SNX25: variants seen among roughly 807,000 people sequenced by gnomAD.
SNX25 encodes sorting nexin 25, also known as sorting nexin-25.
A neutral mutation model predicts 113.7 loss-of-function variants in SNX25; 62 were observed. The ratio of observed to expected loss-of-function variants is 0.55; its 90% CI spans 0.44 to 0.67. The LOEUF (loss-of-function observed/expected upper bound fraction) is 0.67, where lower values mean the gene tolerates loss of function less well. SNX25 is among the 30% of genes least tolerant of loss of function. SNX25 has a pLI of 0.00. For synonymous variants in SNX25, 421 were observed against 436.2 expected, an observed-to-expected ratio of 0.97 and a Z score of 0.43; for missense variants, 1,014 against 1,161.0, an observed-to-expected ratio of 0.87 and a Z score of 1.84.
chr4:185,340,332 G>GAT (rs2095253533), intron 11 of SNX25, among the ~76,000 whole-genome samples: 1 of 152,106 alleles, frequency 6.6e-6, no homozygotes, highest in South Asian at 2.1e-4. Flanking sequence ...CTCTAGGTTG[G>GAT]ATAGCAAAAC....
chr4:185,289,470 C>A (rs1021234168), intron 6 of SNX25, among the ~76,000 whole-genome samples: 1 of 152,074 alleles, frequency 6.6e-6, no homozygotes, highest in Non-Finnish European at 1.5e-5. Context: ...AGGGCAGGTG[C>A]CAAATCCTGA....
chr4:185,347,493 G>A (rs1387768869), intron 13 of SNX25, among the ~76,000 whole-genome samples: 3 of 151,646 alleles, frequency 2.0e-5, no homozygotes, highest in Non-Finnish European at 1.5e-5. Flanking sequence ...GTTTTGAGAC[G>A]GAGTTTCGCT....
intron 1 of SNX25, among the ~76,000 whole-genome samples, chr4:185,239,374 T>A (rs973552556): frequency 6.6e-6 from 1 of 152,010 alleles, no homozygotes; most frequent in Admixed American, 6.6e-5. Context: ...TCCCAGCTAC[T>A]CGGGAGGCTG....
intron 6 of SNX25, among the ~76,000 whole-genome samples, chr4:185,289,202 C>A (rs1288537): frequency 2.0e-5 from 3 of 152,032 alleles, no homozygotes; most frequent in African/African-American, 7.3e-5. Flanking sequence ...GATAATGATA[C>A]AGTAGTAAAC....
At chr4:185,259,730 A>C (rs867005769) in intron 3 of SNX25, among the ~76,000 whole-genome samples, 1 of 152,204 alleles carries the variant, frequency 6.6e-6, no homozygotes, top group African/African-American at 2.4e-5. Flanking sequence ...TCTAACTGCA[A>C]TGAGTAGCCT....
chr4:185,218,275 G>C (rs1739209414), intron 1 of SNX25, among the ~76,000 whole-genome samples: 1 of 152,238 alleles, frequency 6.6e-6, no homozygotes, highest in Admixed American at 6.5e-5. Context: ...AGTAGAGACG[G>C]GGTTTTGCCA....
At chr4:185,331,780 CA>C (rs966887038) in intron 9 of SNX25, among the ~76,000 whole-genome samples, 11 of 152,030 alleles carry the variant, frequency 7.2e-5, no homozygotes, top group African/African-American at 2.7e-4. Flanking sequence ...GACTCTGTCT[CA>C]AAAAAACAAA....
At chr4:185,378,635 C>G in the SNX25 span, 1 of 988,432 alleles carries the variant, frequency 1.0e-6, no homozygotes, top group Non-Finnish European at 1.2e-6. Flanking sequence ...AAGCACTTGT[C>G]TATTTTACCT....
chr4:185,243,898 T>C (rs1407611755), intron 1 of SNX25, among the ~76,000 whole-genome samples: 1 of 152,138 alleles, frequency 6.6e-6, no homozygotes, highest in Non-Finnish European at 1.5e-5. Flanking sequence ...TAGACACATA[T>C]CCAAAGAATA....
intron 15 of SNX25, among the ~76,000 whole-genome samples, chr4:185,356,333 C>T (rs1229240686): frequency 6.6e-6 from 1 of 152,128 alleles, no homozygotes; most frequent in Non-Finnish European, 1.5e-5. Flanking sequence ...GGTCGTCAGG[C>T]ACTCTTCCTA....
At chr4:185,372,495 A>T (rs1436707251), downstream of SNX25, among the ~76,000 whole-genome samples, 1 of 152,252 alleles carries the variant, frequency 6.6e-6, no homozygotes, top group East Asian at 1.9e-4. Flanking sequence ...GGCATAGAAC[A>T]TGTAGTAGGC....
At chr4:185,277,516 C>A (rs1176894791) in intron 5 of SNX25, among the ~76,000 whole-genome samples, 1 of 152,066 alleles carries the variant, frequency 6.6e-6, no homozygotes, top group Non-Finnish European at 1.5e-5. Context: ...GGTGTTAATA[C>A]TCCCGCCATG....
chr4:185,302,359 G>A (rs1753822594), intron 6 of SNX25, among the ~76,000 whole-genome samples: 1 of 152,148 alleles, frequency 6.6e-6, no homozygotes, highest in African/African-American at 2.4e-5. Context: ...TGGAGGCCTA[G>A]ACTTGCAACT....
chr4:185,330,614 G>A lies in SNX25; in HGVS notation c.1750-1981G>A, dbSNP rs145739544. ...ATGAGTTTTAAGGTTTGTACGAAGA[G>A]AAACAAATTGTTTTATAGTCATCTT... On this transcript the variant is annotated intron_variant, in intron 9 of 18. Coordinates refer to ENST00000652585, the MANE Select transcript of SNX25 (RefSeq NM_001378034.2). 2.7e-3 allele frequency among the ~76,000 whole-genome samples: 414 copies of A among 152,252 alleles called. 1 individual carries two copies. Among genetic ancestry groups the A allele is most frequent in the Non-Finnish European group, 4.4e-3 (302 of 68,012 alleles).
chr4:185,358,314 A>G (rs761841664), intron 16 of SNX25, among the ~76,000 whole-genome samples: 31 of 152,232 alleles, frequency 2.0e-4, no homozygotes, highest in Non-Finnish European at 2.9e-4. Context: ...ATCCATATAC[A>G]TAAAGGCATT....
chr4:185,327,525 C>T (rs1156303304), intron 9 of SNX25, among the ~76,000 whole-genome samples: 2 of 152,076 alleles, frequency 1.3e-5, no homozygotes. Flanking sequence ...AAGAATTTAC[C>T]ATATAAGATA....
intron 5 of SNX25, among the ~76,000 whole-genome samples, chr4:185,272,771 ACT>A (rs1373963545): frequency 1.1e-4 from 16 of 152,206 alleles, no homozygotes; most frequent in Admixed American, 8.5e-4. Flanking sequence ...ATATATGGAA[ACT>A]CTGTTGAGGA....
chr4:185,233,769 A>G (rs185891457), intron 1 of SNX25, among the ~76,000 whole-genome samples: 1 of 152,304 alleles, frequency 6.6e-6, no homozygotes, highest in East Asian at 1.9e-4. Flanking sequence ...AAAGATCTTC[A>G]GATTTGAATC....
intron 7 of SNX25, among the ~76,000 whole-genome samples, chr4:185,317,124 C>T (rs1579760978): frequency 6.6e-6 from 1 of 151,906 alleles, no homozygotes; most frequent in Admixed American, 6.6e-5. Flanking sequence ...AACAAATTTA[C>T]AAGAAAAAAA....
Sources: allele counts gnomAD v4.1 joint callset (sites outside exome capture counted in the v4.1 genomes callset), GRCh38; gene constraint gnomAD v4.1.1; transcripts MANE v1.5; gene names NCBI Gene and HGNC (gene_info 2026-07-23, HGNC 2026-07-21).